Variants in MAPKAPK5 observed in about 807,000 individuals in gnomAD.
MAPKAPK5 encodes MAP kinase-activated protein kinase 5.
Under a neutral mutation model 65.1 loss-of-function variants are expected in MAPKAPK5, and 30 were observed. The observed-to-expected ratio is 0.46, with a 90% CI of 0.34 to 0.63. The LOEUF is 0.63. Among genes scored for constraint, MAPKAPK5 ranks in the 20% least tolerant of loss-of-function variants. The pLI is 0.01. For missense variants in MAPKAPK5, 433 were observed against 581.4 expected (o/e 0.74, Z 2.63); for synonymous variants, 179 against 204.6 (o/e 0.87, Z 1.07).
chr12:111,859,702 T>C (rs1593138708), intron 1 of MAPKAPK5, among the ~76,000 whole-genome samples: 1 of 150,894 alleles, frequency 6.6e-6, no homozygotes, highest in Non-Finnish European at 1.5e-5. Flanking sequence ...CAGGCTAGAG[T>C]GCAATGGCAT....
chr12:111,890,696 C>A (rs935357336), intron 13 of MAPKAPK5, among the ~76,000 whole-genome samples: 1 of 152,184 alleles, frequency 6.6e-6, no homozygotes, highest in Non-Finnish European at 1.5e-5. Flanking sequence ...TTCACTCTGT[C>A]CCTCAGGCTG....
intron 7 of MAPKAPK5, among the ~76,000 whole-genome samples, chr12:111,874,418 T>C (rs1208989736): frequency 6.0e-5 from 9 of 151,176 alleles, no homozygotes; most frequent in African/African-American, 2.2e-4. Context: ...ATTCATTTTC[T>C]AATTTTAACT....
intron 8 of MAPKAPK5, chr12:111,882,704 C>T (rs986566167): frequency 1.6e-6 from 1 of 623,992 alleles, no homozygotes; most frequent in Non-Finnish European, 2.0e-6. Flanking sequence ...TATCTTCCCC[C>T]AGAATGGTGT....
rs2070690524 is a variant in MAPKAPK5, at chr12:111,893,306, T to A, written c.*245T>A. 1 of 203,256 alleles carries A rather than the reference T, an allele frequency of 4.9e-6. No individual in the cohort carries two copies. The highest frequency in any genetic ancestry group is 9.9e-6 in the Non-Finnish European group (1 of 100,934). 12.6% of individuals were successfully genotyped at this position (203,256 alleles called of 1,614,324 possible). On this transcript the variant is annotated 3_prime_UTR_variant, in exon 14 of 14. Transcript: ENST00000550735. ...ATATTTGTAAGATGACAGATGATGC[T>A]GTCAAGCAATATTGTTTTATTTGTA...
intron 4 of MAPKAPK5, among the ~76,000 whole-genome samples, chr12:111,868,468 G>A (rs1006507239): frequency 2.6e-5 from 4 of 151,950 alleles, no homozygotes; most frequent in Non-Finnish European, 5.9e-5. Flanking sequence ...TCAAACAAAT[G>A]GGAAAAAAAC....
intron 1 of MAPKAPK5, among the ~76,000 whole-genome samples, chr12:111,843,852 G>A (rs1358297785): frequency 2.0e-5 from 3 of 152,112 alleles, no homozygotes; most frequent in Admixed American, 6.5e-5. Flanking sequence ...TCACTCTGTC[G>A]CCCAGGCTGG....
At chr12:111,890,627 C>A (rs926560061) in intron 13 of MAPKAPK5, among the ~76,000 whole-genome samples, 1 of 152,070 alleles carries the variant, frequency 6.6e-6, no homozygotes, top group African/African-American at 2.4e-5. Context: ...GTTTTTTTCC[C>A]GAAGCAAATA....
rs776220234 is a variant in MAPKAPK5, at chr12:111,890,037, T to C, written c.1217-3T>C. On this transcript the variant is annotated splice_region_variant and splice_polypyrimidine_tract_variant and intron_variant, in intron 12 of 13. Transcript: ENST00000550735. Reference sequence around the variant, plus strand: ...GCAAATTCCTCTTCATCCTTACCAATAGGAGAGAATGAAGATGAGAAACTG... The same window carrying C: ...GCAAATTCCTCTTCATCCTTACCAACAGGAGAGAATGAAGATGAGAAACTG... The C allele has an allele frequency of 2.5e-6, 4 of 1,570,532 alleles. No homozygotes were observed. Among genetic ancestry groups the C allele is most frequent in the Non-Finnish European group, 3.5e-6 (4 of 1,153,638 alleles).
At chr12:111,844,374 G>T (rs1216282757) in intron 1 of MAPKAPK5, among the ~76,000 whole-genome samples, 1 of 151,562 alleles carries the variant, frequency 6.6e-6, no homozygotes, top group Non-Finnish European at 1.5e-5. Context: ...TGTATTTTTA[G>T]TAGAGGTGGG....
intron 7 of MAPKAPK5, among the ~76,000 whole-genome samples, chr12:111,874,470 GTTT>G (rs79738806): frequency 1.5e-5 from 2 of 133,390 alleles, no homozygotes; most frequent in Non-Finnish European, 1.6e-5. Context: ...TTTGTTTTGG[GTTT>G]TTTTTTTTTT....
At chr12:111,847,329 C>T (rs370328234) in intron 1 of MAPKAPK5, among the ~76,000 whole-genome samples, 18 of 136,030 alleles carry the variant, frequency 1.3e-4, no homozygotes, top group African/African-American at 5.1e-4. Flanking sequence ...GCCTGGGCGA[C>T]AGGGTGAGAC....
At chr12:111,866,814 T>C (rs2069629905) in intron 3 of MAPKAPK5, among the ~76,000 whole-genome samples, 1 of 152,206 alleles carries the variant, frequency 6.6e-6, no homozygotes. Context: ...GTTGATCAGG[T>C]TGGCCTTGAA....
At chr12:111,888,384 A>G (rs2070484057) in intron 10 of MAPKAPK5, 104 bp from the exon 11 acceptor site, 1 of 1,462,654 alleles carries the variant, frequency 6.8e-7, no homozygotes, top group Non-Finnish European at 9.2e-7. Flanking sequence ...TAAGAGTGAA[A>G]TTACCTTCTT....
rs1300794691 is a variant in MAPKAPK5 at position 111,900,317 on chromosome 12, C to T, written c.*7256C>T. Reference sequence around the variant, plus strand: ...GCGGTTTTGCGGCAGCTGTTGAATCCTTCCATCATGAAGATGTGCTGTTGT... The same window carrying T: ...GCGGTTTTGCGGCAGCTGTTGAATCTTTCCATCATGAAGATGTGCTGTTGT... On this transcript the variant is annotated 3_prime_UTR_variant, in exon 14 of 14. Transcript: ENST00000550735. 4.4e-6 allele frequency: 2 copies of T among 456,116 alleles called. No individual in the cohort carries two copies. The highest frequency in any genetic ancestry group is 1.5e-5 in the South Asian group (1 of 64,566). The allele number at this position is 456,116 out of a possible 1,614,324, so 28.3% of individuals were successfully genotyped here.
Position 111,883,561 on chromosome 12 carries a change from ATT to A in MAPKAPK5, c.661-17_661-16del. 1 of 1,608,832 alleles carries A rather than the reference ATT, an allele frequency of 6.2e-7. No individual in the cohort carries two copies. Among genetic ancestry groups the A allele is most frequent in the Non-Finnish European group, 8.5e-7 (1 of 1,177,354 alleles). ...GGCTCTGCTTCTGCTGTGAGTGACC[ATT>A]TTCTTTTTTGCTTTCAGAGCTGTGA... On this transcript the variant is annotated intron_variant, in intron 8 of 13. Coordinates refer to ENST00000550735, the MANE Select transcript of MAPKAPK5 (RefSeq NM_003668.4). This position sits in a 1 kb window ranked among gnomAD's most constrained non-coding sequence, Gnocchi z 4.8.
In MAPKAPK5 at chr12:111,856,822, A is replaced by G. The variant is rs1171186305; in HGVS notation, c.37-8428A>G. Among the ~76,000 whole-genome samples the G allele has an allele frequency of 1.3e-5, 2 of 152,250 alleles. 1 individual carries two copies. Among genetic ancestry groups the G allele is most frequent in the Non-Finnish European group, 2.9e-5 (2 of 68,044 alleles). ...TGCAGTTAAATCTTATGTGTTTTAA[A>G]TAAGAGAGAAAGGAATAAAATATAT... On this transcript the variant is annotated intron_variant, in intron 1 of 13. Coordinates refer to ENST00000550735, the MANE Select transcript of MAPKAPK5 (RefSeq NM_003668.4).
rs1430987268 is a variant in MAPKAPK5 at position 111,901,013 on chromosome 12, A to AGAT, written c.*7954_*7956dup. ...CTGGGTCACAATATGTTCGGTGTTCAGATGGTAATATATTTTGTGGGAAAC... is the reference window on the plus strand; with the variant it reads ...CTGGGTCACAATATGTTCGGTGTTCAGATGATGGTAATATATTTTGTGGGAAAC... On this transcript the variant is annotated 3_prime_UTR_variant, in exon 14 of 14. Transcript: ENST00000550735. 8 of 456,110 alleles carry AGAT rather than the reference A, an allele frequency of 1.8e-5. No homozygotes were observed. Among genetic ancestry groups the AGAT allele is most frequent in the African/African-American group, 1.2e-4 (6 of 50,206 alleles). 28.3% of individuals were successfully genotyped at this position (456,110 alleles called of 1,614,324 possible). A position where few individuals can be genotyped will look rare whatever the true frequency, so the allele number is the denominator to read the frequency against.
At position 111,865,842 on chromosome 12, in the gene MAPKAPK5, A is replaced by G. The variant is rs1811181; in HGVS notation, c.111-314A>G. On this transcript the variant is annotated intron_variant, in intron 2 of 13. Coordinates refer to ENST00000550735, the MANE Select transcript of MAPKAPK5 (RefSeq NM_003668.4). ...AGAGCGAGATTCTGTCTCAAAAAAAAAAAAAAAAAAAAAAAAGGGTGTCGA... is the reference window on the plus strand; with the variant it reads ...AGAGCGAGATTCTGTCTCAAAAAAAGAAAAAAAAAAAAAAAAGGGTGTCGA... Among the ~76,000 whole-genome samples, 7,421 of 150,024 alleles carry G rather than the reference A, an allele frequency of 0.049. 943 individuals are homozygous for G. In the East Asian group the frequency reaches 0.56, roughly 11 times the overall value.
intron 7 of MAPKAPK5, among the ~76,000 whole-genome samples, chr12:111,872,374 T>C (rs2067372787): frequency 6.6e-6 from 1 of 152,214 alleles, no homozygotes; most frequent in South Asian, 2.1e-4. Flanking sequence ...GGCCACTATT[T>C]TGGAGCACTT....
Sources: gnomAD v4.1 joint callset for allele counts (sites outside exome capture counted in the v4.1 genomes callset) on GRCh38, gnomAD v4.1.1 for gene constraint, Gnocchi (gnomAD v3.1) non-coding constraint, MANE v1.5 for transcripts, NCBI Gene and HGNC (gene_info 2026-07-23, HGNC 2026-07-21) for gene names.